The following RHCG variants were observed in gnomAD, a reference collection of about 807,000 sequenced individuals.
RHCG encodes ammonium transporter Rh type C.
Under a neutral mutation model 55.3 loss-of-function variants are expected in RHCG, and 39 were observed. That is an observed-to-expected ratio of 0.70 (90% CI 0.55 to 0.92). The LOEUF (loss-of-function observed/expected upper bound fraction) is 0.92, where lower values mean the gene tolerates loss of function less well. Ranked by LOEUF, RHCG falls within the 40% of genes least tolerant of loss-of-function variation. The pLI is 0.00. For synonymous variants in RHCG, 250 were observed against 246.8 expected (o/e 1.01, Z -0.12); for missense variants, 635 against 627.9 (o/e 1.01, Z -0.12).
chr15:89,474,927 T>C (rs1210000194), intron 9 of RHCG, among the ~76,000 whole-genome samples: 19 of 133,894 alleles, frequency 1.4e-4, no homozygotes, highest in African/African-American at 6.8e-4. Flanking sequence ...CCTGCCTGCC[T>C]GCCTTCCTGC....
At chr15:89,489,393 C>T (rs867101646) in intron 1 of RHCG, among the ~76,000 whole-genome samples, 2 of 152,038 alleles carry the variant, frequency 1.3e-5, no homozygotes, top group African/African-American at 4.8e-5. Context: ...CAGAGTGCTG[C>T]GATTACAGAT....
chr15:89,483,270 T>G, intron 2 of RHCG, 53 bp from the exon 3 acceptor site: 1 of 1,449,654 alleles, frequency 6.9e-7, no homozygotes, highest in Non-Finnish European at 9.3e-7. Context: ...AAAGTGGCAC[T>G]GGAGGCCCTG....
At chr15:89,478,248 T>C (rs1156397421) in intron 5 of RHCG, among the ~76,000 whole-genome samples, 4 of 152,356 alleles carry the variant, frequency 2.6e-5, no homozygotes, top group Non-Finnish European at 5.9e-5. Context: ...TGGTGAGCCC[T>C]GACAACAAGC....
intron 2 of RHCG, among the ~76,000 whole-genome samples, chr15:89,484,238 G>A (rs180673454): frequency 3.3e-5 from 5 of 152,192 alleles, no homozygotes; most frequent in Non-Finnish European, 5.9e-5. Context: ...CTCATTCACC[G>A]CTGTGTCCCC....
rs1961181165 is a variant in RHCG at position 89,477,745 on chromosome 15, T to TCATCCC, written c.975+91_975+92insGGGATG. On this transcript the variant is annotated intron_variant, in intron 6 of 10. Transcript: ENST00000268122. The surrounding 1 kb of genome is among the most constrained non-coding windows in gnomAD (Gnocchi z 4.5). ...CCAGAGACCCAGGATTCTCTAGCCC[T>TCATCCC]CAGCCCCCTCCCTAGGAACCCTCAG... 6.2e-7 allele frequency: 1 copy of TCATCCC among 1,602,832 alleles called. No individual in the cohort carries two copies. The highest frequency in any genetic ancestry group is 1.3e-5 in the African/African-American group (1 of 74,598).
chr15:89,489,705 C>A (rs1288341412), intron 1 of RHCG, among the ~76,000 whole-genome samples: 2 of 152,140 alleles, frequency 1.3e-5, no homozygotes, highest in Non-Finnish European at 2.9e-5. Context: ...GGTGTCCCTG[C>A]CACTTGGGAT....
intron 1 of RHCG, among the ~76,000 whole-genome samples, chr15:89,490,809 G>T (rs1023334558): frequency 5.3e-5 from 8 of 151,872 alleles, no homozygotes; most frequent in African/African-American, 1.9e-4. Flanking sequence ...GCTGGTGGGC[G>T]GGGGTTAGGG....
At position 89,477,090 on chromosome 15, in the gene RHCG, A is replaced by C; in HGVS notation, c.1229T>G (p.Ile410Ser). ...CAGCCATTCCTGCTCACCCACAATG[A>C]TGCCACCCATCAGGGCCATGGCCAG... ...VTLAMALMGG[I>S]IVGLILRLPF... The change falls in exon 8 of 11, where the codon ATC (isoleucine) becomes AGC (serine). Residue 410 changes from isoleucine (I) to serine (S), a missense_variant. Coordinates refer to ENST00000268122, the MANE Select transcript of RHCG (RefSeq NM_016321.3). This position sits in a 1 kb window ranked among gnomAD's most constrained non-coding sequence, Gnocchi z 4.5. 6.2e-7 allele frequency: 1 copy of C among 1,613,960 alleles called. No homozygotes were observed. Among genetic ancestry groups the C allele is most frequent in the South Asian group, 1.1e-5 (1 of 91,056 alleles).
At chr15:89,495,461 T>C (rs1355595401) in intron 1 of RHCG, among the ~76,000 whole-genome samples, 1 of 152,192 alleles carries the variant, frequency 6.6e-6, no homozygotes, top group Non-Finnish European at 1.5e-5. Context: ...CATTGGCTGA[T>C]GGCGGATGGA....
At chr15:89,474,465 C>T (rs1167742623) in intron 9 of RHCG, among the ~76,000 whole-genome samples, 1 of 152,182 alleles carries the variant, frequency 6.6e-6, no homozygotes, top group Non-Finnish European at 1.5e-5. Context: ...GGTCCTCACC[C>T]TTGTCATGAG....
intron 2 of RHCG, among the ~76,000 whole-genome samples, chr15:89,483,469 G>A (rs994020058): frequency 1.3e-5 from 2 of 152,094 alleles, no homozygotes; most frequent in African/African-American, 4.8e-5. Context: ...GGCCCCCGCT[G>A]CTTGCAGACA....
At chr15:89,483,549 T>G (rs1378773540) in intron 2 of RHCG, among the ~76,000 whole-genome samples, 4 of 152,178 alleles carry the variant, frequency 2.6e-5, no homozygotes. Flanking sequence ...GGTCCTTCCC[T>G]GCCCTGTAGC....
intron 5 of RHCG, among the ~76,000 whole-genome samples, chr15:89,478,903 G>A (rs910538802): frequency 9.9e-5 from 15 of 151,998 alleles, no homozygotes; most frequent in African/African-American, 2.9e-4. Flanking sequence ...CCAGCCTGAC[G>A]AATATGGTGA....
At position 89,472,229 on chromosome 15, in the gene RHCG, G is replaced by C. The variant is rs1253260481; in HGVS notation, c.*25-374C>G. Among the ~76,000 whole-genome samples the C allele has an allele frequency of 3.3e-5, 5 of 152,300 alleles. No homozygotes were observed. In the East Asian group the frequency reaches 9.7e-4, roughly 29 times the overall value. On this transcript the variant is annotated intron_variant, in intron 10 of 10. Transcript: ENST00000268122. ...CCTTGTAGAGATCTTGGGAAGGTTA[G>C]ATGTGAAAGCCATGAGCAAGGGCTT...
chr15:89,489,546 G>T (rs568532395), intron 1 of RHCG, among the ~76,000 whole-genome samples: 1 of 152,150 alleles, frequency 6.6e-6, no homozygotes, highest in South Asian at 2.1e-4. Flanking sequence ...TCCCAGCCCC[G>T]CCCACCTGTC....
At chr15:89,486,764 G>A in intron 2 of RHCG, 35 bp downstream of exon 2, 1 of 1,560,856 alleles carries the variant, frequency 6.4e-7, no homozygotes, top group Admixed American at 1.8e-5. Context: ...ATCCCTCCCA[G>A]TCCGCCACGC....
chr15:89,473,492 T>C (rs1394456519), intron 9 of RHCG, among the ~76,000 whole-genome samples: 4 of 152,206 alleles, frequency 2.6e-5, no homozygotes, highest in Admixed American at 6.5e-5. Context: ...GTTCCTTCCA[T>C]TGGCACAGAA....
At chr15:89,475,524 G>A (rs1234789658) in intron 9 of RHCG, among the ~76,000 whole-genome samples, 1 of 152,188 alleles carries the variant, frequency 6.6e-6, no homozygotes, top group African/African-American at 2.4e-5. Flanking sequence ...GGGATTATAG[G>A]CATGAGCCAC....
Position 89,480,353 on chromosome 15 carries a change from AGCCCAAAGTAGGC to A in RHCG, c.565_577del (p.Ala189SerfsTer3), listed in dbSNP as rs746073553. ...TCGGTAGAGGATCCGGGTCACTGTG[AGCCCAAAGTAGGC>A]GCCAAATGTGTGGATGGTCATGGAG... is the stretch of plus-strand genomic sequence containing the variant. On this transcript the variant is annotated frameshift_variant, in exon 4 of 11. Coordinates refer to ENST00000268122, the MANE Select transcript of RHCG (RefSeq NM_016321.3). LOFTEE classifies it high-confidence loss of function. 14 of 1,614,054 alleles carry A rather than the reference AGCCCAAAGTAGGC, an allele frequency of 8.7e-6. No individual in the cohort carries two copies. Among genetic ancestry groups the A allele is most frequent in the Admixed American group, 1.7e-5 (1 of 60,004 alleles).
Sources: gnomAD v4.1 joint callset for allele counts (sites outside exome capture counted in the v4.1 genomes callset) on GRCh38, gnomAD v4.1.1 for gene constraint, Gnocchi (gnomAD v3.1) non-coding constraint, MANE v1.5 for transcripts, NCBI Gene and HGNC (gene_info 2026-07-23, HGNC 2026-07-21) for gene names.